Variants in TBC1D19 observed in about 807,000 individuals in gnomAD.
TBC1D19 encodes the protein TBC1 domain family member 19.
A neutral mutation model predicts 89.0 loss-of-function variants in TBC1D19; 60 were observed. The ratio of observed to expected loss-of-function variants is 0.67; its 90% CI spans 0.55 to 0.84. TBC1D19 has a LOEUF of 0.84. TBC1D19 is among the 40% of genes least tolerant of loss of function. The pLI, the probability that TBC1D19 is intolerant of heterozygous loss-of-function variation, is 0.00. For synonymous variants in TBC1D19, 189 were observed against 199.7 expected (o/e 0.95, Z 0.45); for missense variants, 500 against 610.8 (o/e 0.82, Z 1.91).
At chr4:26,579,877 A>G (rs917151835), upstream of TBC1D19, among the ~76,000 whole-genome samples, 1 of 152,196 alleles carries the variant, frequency 6.6e-6, no homozygotes, top group Non-Finnish European at 1.5e-5. Context: ...AGCCATCTCG[A>G]GACTGCGGCG....
intron 5 of TBC1D19, among the ~76,000 whole-genome samples, chr4:26,638,477 A>G (rs1046424158): frequency 6.6e-6 from 1 of 152,148 alleles, no homozygotes; most frequent in Admixed American, 6.5e-5. Context: ...GAGAAGTAGT[A>G]TGTGGCTGAG....
chr4:26,796,919 G>T, the TBC1D19 span, among the ~76,000 whole-genome samples: 2 of 152,098 alleles, frequency 1.3e-5, no homozygotes, highest in Admixed American at 1.3e-4. Context: ...TGCAATGATG[G>T]TTGTAAAACT....
chr4:26,691,276 CTA>C (rs986297617), intron 13 of TBC1D19, among the ~76,000 whole-genome samples: 9 of 152,174 alleles, frequency 5.9e-5, no homozygotes, highest in African/African-American at 2.2e-4. Context: ...GGTGAAGCTA[CTA>C]TACACATTGT....
the TBC1D19 span, among the ~76,000 whole-genome samples, chr4:26,794,046 G>A: frequency 1.3e-5 from 2 of 152,174 alleles, no homozygotes; most frequent in East Asian, 1.9e-4. Context: ...GTGGGATCAC[G>A]TAGACTGAGG....
At chr4:26,846,647 T>G in the TBC1D19 span, among the ~76,000 whole-genome samples, 2 of 152,210 alleles carry the variant, frequency 1.3e-5, no homozygotes, top group African/African-American at 4.8e-5. Flanking sequence ...CTTAGAAAAT[T>G]ATTTCCCATC....
rs1270421724 is a variant in TBC1D19, at chr4:26,756,222, G to C, written c.*1275G>C. Among the ~76,000 whole-genome samples, 1 of 152,190 alleles carries C rather than the reference G, an allele frequency of 6.6e-6. No individual in the cohort carries two copies. The highest frequency in any genetic ancestry group is 1.9e-4 in the East Asian group (1 of 5,202). ...ACCCCATTTTATTGCTTTTGAAGGTGATGCAGTTATAATCCTATGCTTTGT... is the reference window on the plus strand; with the variant it reads ...ACCCCATTTTATTGCTTTTGAAGGTCATGCAGTTATAATCCTATGCTTTGT... On this transcript the variant is annotated 3_prime_UTR_variant, in exon 21 of 21. Coordinates refer to ENST00000264866, the MANE Select transcript of TBC1D19 (RefSeq NM_018317.4).
chr4:26,775,823 T>A, the TBC1D19 span, among the ~76,000 whole-genome samples: 1 of 152,142 alleles, frequency 6.6e-6, no homozygotes, highest in Non-Finnish European at 1.5e-5. Flanking sequence ...TTCAAGGCAA[T>A]GAGTTGGTAT....
At chr4:26,821,047 G>A in the TBC1D19 span, among the ~76,000 whole-genome samples, 6 of 152,242 alleles carry the variant, frequency 3.9e-5, no homozygotes, top group African/African-American at 1.4e-4. Context: ...TGCATTTAGT[G>A]TAGGGATGCA....
At chr4:26,740,084 T>G in intron 17 of TBC1D19, 111 bp downstream of exon 17, 1 of 563,324 alleles carries the variant, frequency 1.8e-6, no homozygotes, top group East Asian at 3.2e-5. Context: ...TTTTAATTTG[T>G]GATGTCAAGC....
chr4:26,614,776 C>G (rs1185971654), intron 3 of TBC1D19, among the ~76,000 whole-genome samples: 1 of 152,120 alleles, frequency 6.6e-6, no homozygotes, highest in East Asian at 1.9e-4. Flanking sequence ...CTCCCAGGTT[C>G]AAGTGATTCT....
At chr4:26,591,523 C>G (rs1461801303) in intron 1 of TBC1D19, among the ~76,000 whole-genome samples, 1 of 151,900 alleles carries the variant, frequency 6.6e-6, no homozygotes, top group South Asian at 2.1e-4. Flanking sequence ...ACAAAAAAAC[C>G]CTTCAAAAAA....
chr4:26,735,423 C>T, intron 15 of TBC1D19, 32 bp from the exon 16 acceptor site: 2 of 1,468,658 alleles, frequency 1.4e-6, no homozygotes, highest in Non-Finnish European at 1.8e-6. Flanking sequence ...AGGCCTACTA[C>T]TTATTGAAAA....
the TBC1D19 span, among the ~76,000 whole-genome samples, chr4:26,826,782 G>A: frequency 6.6e-6 from 1 of 152,200 alleles, no homozygotes; most frequent in South Asian, 2.1e-4. Flanking sequence ...GGTGGCGGGT[G>A]GATGTTTATA....
the TBC1D19 span, among the ~76,000 whole-genome samples, chr4:26,803,975 T>G: frequency 1.3e-5 from 2 of 151,590 alleles, no homozygotes; most frequent in Admixed American, 6.6e-5. Flanking sequence ...TGAAATGGGA[T>G]TCAATAGGCA....
the TBC1D19 span, among the ~76,000 whole-genome samples, chr4:26,856,558 T>C: frequency 1.3e-4 from 20 of 152,198 alleles, no homozygotes; most frequent in African/African-American, 4.8e-4. Context: ...CCATACTACT[T>C]TCCAAAATGG....
At position 26,755,473 on chromosome 4, in the gene TBC1D19, G is replaced by A. The variant is rs1719214209; in HGVS notation, c.*526G>A. On this transcript the variant is annotated 3_prime_UTR_variant, in exon 21 of 21. Transcript: ENST00000264866. ...AAAAGTTGCTTAAATGGTGTTTTAA[G>A]CAACTTTTTACACCCCAGGGATTTT... The A allele has an allele frequency of 1.3e-5, 2 of 152,044 alleles. No homozygotes were observed. Among genetic ancestry groups the A allele is most frequent in the Non-Finnish European group, 2.9e-5 (2 of 67,996 alleles). 9.4% of individuals were successfully genotyped at this position (152,044 alleles called of 1,614,324 possible). A position where few individuals can be genotyped will look rare whatever the true frequency, so the allele number is the denominator to read the frequency against.
chr4:26,777,135 C>CTTT, the TBC1D19 span, among the ~76,000 whole-genome samples: 1 of 122,700 alleles, frequency 8.1e-6, no homozygotes, highest in Non-Finnish European at 1.7e-5. Flanking sequence ...TCTCTCTCTT[C>CTTT]TTTTTTTTTT....
chr4:26,696,675 A>C (rs1406637264), intron 13 of TBC1D19, among the ~76,000 whole-genome samples: 1 of 152,260 alleles, frequency 6.6e-6, no homozygotes, highest in Non-Finnish European at 1.5e-5. Context: ...ACCACAGTGC[A>C]ATCAAACTAG....
At chr4:26,831,465 G>GTGA in the TBC1D19 span, among the ~76,000 whole-genome samples, 1 of 152,132 alleles carries the variant, frequency 6.6e-6, no homozygotes, top group Admixed American at 6.5e-5. Context: ...ACAGATGAGT[G>GTGA]TGATGGGCTT....
Sources: allele counts gnomAD v4.1 joint callset (sites outside exome capture counted in the v4.1 genomes callset), GRCh38; gene constraint gnomAD v4.1.1; transcripts MANE v1.5; gene names NCBI Gene and HGNC (gene_info 2026-07-23, HGNC 2026-07-21).